CEP76: variants seen among roughly 807,000 people sequenced by gnomAD.
CEP76 encodes the protein centrosomal protein of 76 kDa.
CEP76 carries 55 observed loss-of-function variants against 83.3 expected under a neutral mutation model. The observed-to-expected ratio is 0.66, with a 90% confidence interval of 0.53 to 0.83. The LOEUF (loss-of-function observed/expected upper bound fraction) is 0.83. CEP76 is among the 40% of genes least tolerant of loss of function. The pLI is 0.00. For synonymous variants in CEP76, 270 were observed against 274.5 expected (o/e 0.98, Z 0.16); for missense variants, 694 against 799.5 (o/e 0.87, Z 1.59).
chr18:12,675,373 G>T (rs1414097939), intron 10 of CEP76, among the ~76,000 whole-genome samples: 1 of 151,974 alleles, frequency 6.6e-6, no homozygotes, highest in Non-Finnish European at 1.5e-5. Flanking sequence ...TCCAGCCTGG[G>T]CAACAGAGCG....
At chr18:12,664,152 C>T (rs908872584) in intron 12 of CEP76, among the ~76,000 whole-genome samples, 7 of 147,182 alleles carry the variant, frequency 4.8e-5, no homozygotes, top group African/African-American at 1.0e-4. Context: ...GCAACCAGAG[C>T]GAAACTCCAT....
Position 12,680,731 on chromosome 18 carries a change from G to A in CEP76, c.1220C>T (p.Pro407Leu), listed in dbSNP as rs2039317825. 1 of 1,613,606 alleles carries A rather than the reference G, an allele frequency of 6.2e-7. No individual in the cohort carries two copies. Among genetic ancestry groups the A allele is most frequent in the African/African-American group, 1.3e-5 (1 of 74,822 alleles). Residue 407 changes from proline to leucine, a missense_variant, in exon 9 of 12, where the codon CCT (proline) becomes CTT (leucine). Transcript: ENST00000262127. ...VCVGTKAKGV[P>L]HAWVMTCGTD... ...TCCACAAGTCATAACCCATGCATGA[G>A]GTACTCCTTTTGCCTTGGTCCCAAC... is the stretch of plus-strand genomic sequence containing the variant.
rs1292216876 is a variant in CEP76, at chr18:12,702,587, C to CA, written c.-40dup. On this transcript the variant is annotated 5_prime_UTR_variant, in exon 1 of 12. Coordinates refer to ENST00000262127, the MANE Select transcript of CEP76 (RefSeq NM_024899.4). ...GTCTCCCCGCCGCTTCTCCCCGCCT[C>CA]AGATGCCCTAACTGCGCGGCCCCGG... is the stretch of plus-strand genomic sequence containing the variant. 6.3e-7 allele frequency: 1 copy of CA among 1,588,236 alleles called. No individual in the cohort carries two copies. Among genetic ancestry groups the CA allele is most frequent in the East Asian group, 2.3e-5 (1 of 43,708 alleles).
At chr18:12,669,582 G>C (rs181837104), downstream of CEP76, among the ~76,000 whole-genome samples, 83 of 152,170 alleles carry the variant, frequency 5.5e-4, no homozygotes, top group African/African-American at 1.9e-3. Context: ...TAATATAGAG[G>C]GGACTGTTGG....
intron 10 of CEP76, among the ~76,000 whole-genome samples, chr18:12,676,426 C>T (rs1049711270): frequency 4.0e-5 from 6 of 151,424 alleles, no homozygotes; most frequent in Non-Finnish European, 7.4e-5. Context: ...AGGCATGCAC[C>T]ACCACACCCG....
At chr18:12,664,563 T>A (rs1422966460) in intron 12 of CEP76, among the ~76,000 whole-genome samples, 4 of 151,326 alleles carry the variant, frequency 2.6e-5, no homozygotes, top group East Asian at 1.9e-4. Context: ...AAAAACAAAA[T>A]TTGTAGAGAA....
chr18:12,690,941 C>CA (rs1405312214), intron 7 of CEP76, among the ~76,000 whole-genome samples: 1 of 149,326 alleles, frequency 6.7e-6, no homozygotes, highest in Non-Finnish European at 1.5e-5. Context: ...TGCCCAGAGC[C>CA]CCCCCCCGTT....
In CEP76 at chr18:12,678,355, A is replaced by C; in HGVS notation, c.1377T>G (p.Val459=). The C allele has an allele frequency of 1.2e-6, 2 of 1,614,122 alleles. No individual in the cohort carries two copies. The highest frequency in any genetic ancestry group is 1.7e-6 in the Non-Finnish European group (2 of 1,179,984). ...TTCCCAGGAACATCTGATGGTTGAA[A>C]ACACAACCAATTGTTCGATATGGGT... The part of the protein sequence containing the change: ...PLYPYRTIGC[V]FNHQMFLGNC... The change falls in exon 10 of 12, where the codon GTT becomes GTG. Residue 459 remains valine, a synonymous_variant. Transcript: ENST00000262127.
At chr18:12,697,170 A>C (rs187150005) in intron 5 of CEP76, 53 bp downstream of exon 5, 4 of 1,215,508 alleles carry the variant, frequency 3.3e-6, no homozygotes, top group Non-Finnish European at 4.6e-6. Context: ...AAATATATTT[A>C]CAAATGAACT....
intron 12 of CEP76, among the ~76,000 whole-genome samples, chr18:12,664,209 G>A (rs1193349702): frequency 3.3e-5 from 5 of 151,888 alleles, no homozygotes; most frequent in Non-Finnish European, 5.9e-5. Flanking sequence ...TGAATGGGCC[G>A]GGACTACAGG....
At chr18:12,691,610 T>C (rs1318150163) in intron 6 of CEP76, 123 bp from the exon 7 acceptor site, 2 of 653,800 alleles carry the variant, frequency 3.1e-6, no homozygotes, top group Admixed American at 3.2e-5. Flanking sequence ...CATCATCTTC[T>C]ATAAGAGCCT....
At chr18:12,698,752 G>A (rs1056849603) in intron 4 of CEP76, 79 of 538,910 alleles carry the variant, frequency 1.5e-4, no homozygotes, top group Non-Finnish European at 2.4e-4. Flanking sequence ...TATTACTAAA[G>A]AATCAACAAT....
chr18:12,674,665 C>T lies in CEP76; in HGVS notation c.1712G>A (p.Ser571Asn). The T allele has an allele frequency of 6.2e-7, 1 of 1,614,014 alleles. No individual in the cohort carries two copies. Among genetic ancestry groups the T allele is most frequent in the Non-Finnish European group, 8.5e-7 (1 of 1,179,968 alleles). The change falls in exon 11 of 12, where the codon AGT becomes AAT. Residue 571 changes from serine (S) to asparagine (N), a missense_variant. Ser to Asn is a conservative substitution (Grantham distance 46, BLOSUM62 1). Coordinates refer to ENST00000262127, the MANE Select transcript of CEP76 (RefSeq NM_024899.4). ...LASYEFERTT[S>N]ISAGNEEFQD... is the part of the protein sequence containing the mutation. ...AAATTCTTCATTGCCTGCTGATATA[C>T]TTGTTGTACGCTCAAATTCATAAGA...
At chr18:12,677,796 G>T (rs1026331696) in intron 10 of CEP76, among the ~76,000 whole-genome samples, 1 of 152,188 alleles carries the variant, frequency 6.6e-6, no homozygotes, top group Non-Finnish European at 1.5e-5. Flanking sequence ...ATGTGAATAA[G>T]CATTTCACAA....
intron 12 of CEP76, chr18:12,665,119 G>T (rs1293933822): frequency 6.6e-6 from 1 of 151,928 alleles, no homozygotes; most frequent in East Asian, 1.9e-4. Context: ...GACCCTATGA[G>T]AACCTCATTT....
At chr18:12,687,219 A>G (rs935482786) in intron 7 of CEP76, among the ~76,000 whole-genome samples, 22 of 152,326 alleles carry the variant, frequency 1.4e-4, no homozygotes, top group African/African-American at 4.8e-4. Context: ...TCCTCAGGAC[A>G]TGAGATCTAA....
chr18:12,699,079 T>C lies in CEP76; in HGVS notation c.420A>G (p.Leu140=). 6.2e-7 allele frequency: 1 copy of C among 1,614,082 alleles called. No individual in the cohort carries two copies. ...GQVCSTFTLC[L]HYRNQRFRSK... The stretch of plus-strand genomic sequence containing the variant: ...AACGAAAACGTTGGTTTCGATAATG[T>C]AAACATAAAGTAAACGTTGAACAAA... Residue 140 remains leucine (L), a synonymous_variant, in exon 4 of 12, where the codon TTA becomes TTG. Coordinates refer to ENST00000262127, the MANE Select transcript of CEP76 (RefSeq NM_024899.4).
At chr18:12,682,173 CCT>C (rs988719380) in intron 8 of CEP76, among the ~76,000 whole-genome samples, 63 of 149,636 alleles carry the variant, frequency 4.2e-4, no homozygotes, top group African/African-American at 1.5e-3. Flanking sequence ...TTTTTTTTTT[CCT>C]CTCTTTTGAG....
intron 6 of CEP76, among the ~76,000 whole-genome samples, chr18:12,693,676 A>G (rs1833326): frequency 0.16 from 24,603 of 151,968 alleles, 2,085 homozygotes; most frequent in Admixed American, 0.24. Context: ...CCAGCTACTC[A>G]GGAGACTGAG....
Sources: gnomAD v4.1 joint callset for allele counts (sites outside exome capture counted in the v4.1 genomes callset) on GRCh38, gnomAD v4.1.1 for gene constraint, MANE v1.5 for transcripts, NCBI Gene and HGNC (gene_info 2026-07-23, HGNC 2026-07-21) for gene names.